HTR3A: variants seen among roughly 807,000 people sequenced by gnomAD.
HTR3A encodes the protein 5-hydroxytryptamine (serotonin) receptor 3A, ionotropic.
Under a neutral mutation model 54.8 loss-of-function variants are expected in HTR3A, and 45 were observed. The ratio of observed to expected loss-of-function variants is 0.82; its 90% CI spans 0.65 to 1.05. The LOEUF is 1.05. HTR3A is among the 50% of genes least tolerant of loss of function. The pLI, the probability that HTR3A is intolerant of heterozygous loss-of-function variation, is 0.00. For missense variants in HTR3A, 657 were observed against 614.0 expected, an observed-to-expected ratio of 1.07 and a Z score of -0.74; for synonymous variants, 297 against 256.0, an observed-to-expected ratio of 1.16 and a Z score of -1.53.
In HTR3A at chr11:113,989,908, T is replaced by G; in HGVS notation, c.*145T>G. On this transcript the variant is annotated 3_prime_UTR_variant, in exon 9 of 9. Transcript: ENST00000504030. This position sits in a 1 kb window ranked among gnomAD's most constrained non-coding sequence, Gnocchi z 4.4. ...CCCGTGCCCTGTTTCCAATGCCAATTCATCTCAGCAATCACAAGCCAAGGT... is the reference window on the plus strand; with the variant it reads ...CCCGTGCCCTGTTTCCAATGCCAATGCATCTCAGCAATCACAAGCCAAGGT... The G allele has an allele frequency of 2.1e-6, 2 of 938,200 alleles. No homozygotes were observed. Among genetic ancestry groups the G allele is most frequent in the Non-Finnish European group, 3.4e-6 (2 of 596,380 alleles). The allele number at this position is 938,200 out of a possible 1,614,324, so 58.1% of individuals were successfully genotyped here. A position where few individuals can be genotyped will look rare whatever the true frequency, so the allele number is the denominator to read the frequency against.
At chr11:113,976,623 C>A (rs1591599494) in intron 1 of HTR3A, among the ~76,000 whole-genome samples, 1 of 141,514 alleles carries the variant, frequency 7.1e-6, no homozygotes. Flanking sequence ...GTTCTCTCTG[C>A]TCTTCTCTGT....
At chr11:113,981,423 T>C (rs1950420914) in intron 4 of HTR3A, 111 bp downstream of exon 4, 2 of 739,258 alleles carry the variant, frequency 2.7e-6, no homozygotes, top group Admixed American at 2.0e-5. Context: ...CACCAGGAAT[T>C]GCAGACTGTA....
At chr11:113,976,571 TTGTGTGTGTG>T (rs34498899) in intron 1 of HTR3A, among the ~76,000 whole-genome samples, 32,197 of 134,974 alleles carry the variant, frequency 0.24, 3,925 homozygotes, top group Middle Eastern at 0.41. Context: ...AAAAAATAGT[TTGTGTGTGTG>T]TGTGTGTGTG....
chr11:113,979,303 C>A, intron 3 of HTR3A, 26 bp downstream of exon 3: 1 of 1,584,662 alleles, frequency 6.3e-7, no homozygotes, highest in Non-Finnish European at 8.7e-7. Context: ...CCTCCCTGCC[C>A]CCGTTACCCA....
At chr11:113,977,393 T>C (rs1274191310) in intron 1 of HTR3A, 1 of 639,742 alleles carries the variant, frequency 1.6e-6, no homozygotes, top group East Asian at 2.7e-5. Context: ...TTGCTTTTAG[T>C]ATCATACCCT....
intron 4 of HTR3A, among the ~76,000 whole-genome samples, chr11:113,981,538 C>T (rs556396599): frequency 1.3e-5 from 2 of 152,264 alleles, no homozygotes; most frequent in East Asian, 3.9e-4. Flanking sequence ...TGTTGAAATT[C>T]CATACTTCGT....
In HTR3A at chr11:113,990,213, G is replaced by T. The variant is rs1394445718; in HGVS notation, c.*450G>T. On this transcript the variant is annotated 3_prime_UTR_variant, in exon 9 of 9. Coordinates refer to ENST00000504030, the MANE Select transcript of HTR3A (RefSeq NM_000869.6). ...CTGTACGAGGCTTCTCTAACCCCTA[G>T]TGTCTTTTTTTTCTTCACCTCACTT... 3 of 455,206 alleles carry T rather than the reference G, an allele frequency of 6.6e-6. No individual in the cohort carries two copies. Among genetic ancestry groups the T allele is most frequent in the Non-Finnish European group, 1.3e-5 (3 of 227,766 alleles). 28.2% of individuals were successfully genotyped at this position (455,206 alleles called of 1,614,324 possible). A position where few individuals can be genotyped will look rare whatever the true frequency, so the allele number is the denominator to read the frequency against.
Position 113,989,786 on chromosome 11 carries a change from G to A in HTR3A, c.*23G>A, listed in dbSNP as rs1419154454. On this transcript the variant is annotated 3_prime_UTR_variant, in exon 9 of 9. Transcript: ENST00000504030. This position sits in a 1 kb window ranked among gnomAD's most constrained non-coding sequence, Gnocchi z 4.4. ...TGAGTGGGTACAGCCCAGTGGAGGA[G>A]GGGGTACAGTCCTGGTTAGGTGGGG... 1 of 1,603,456 alleles carries A rather than the reference G, an allele frequency of 6.2e-7. No homozygotes were observed. Among genetic ancestry groups the A allele is most frequent in the Non-Finnish European group, 8.5e-7 (1 of 1,179,378 alleles).
rs761518925 is a variant in HTR3A at position 113,989,644 on chromosome 11, C to T, written c.1318C>T (p.Arg440Ter). The T allele has an allele frequency of 1.2e-5, 20 of 1,614,060 alleles. No homozygotes were observed. The highest frequency in any genetic ancestry group is 5.3e-5 in the African/African-American group (4 of 74,920). ...EKRDEIREVA[R>*]DWLRVGSVLD... is the part of the protein sequence containing the mutation. ...GCGGGATGAGATCCGAGAGGTGGCC[C>T]GAGACTGGCTGCGCGTGGGCTCCGT... Residue 440 changes from arginine to a stop codon, truncating the protein, a stop_gained, in exon 9 of 9, where the codon CGA becomes TGA. Coordinates refer to ENST00000504030, the MANE Select transcript of HTR3A (RefSeq NM_000869.6). LOFTEE classifies it high-confidence loss of function. The surrounding 1 kb of genome is among the most constrained non-coding windows in gnomAD (Gnocchi z 4.4).
chr11:113,981,729 G>A (rs1001089654), intron 4 of HTR3A, among the ~76,000 whole-genome samples: 4 of 152,078 alleles, frequency 2.6e-5, no homozygotes, highest in South Asian at 2.1e-4. Flanking sequence ...AGGCCGAGGC[G>A]GGTAGATCAC....
chr11:113,980,349 A>G (rs1950406940), intron 3 of HTR3A, among the ~76,000 whole-genome samples: 1 of 152,222 alleles, frequency 6.6e-6, no homozygotes, highest in Admixed American at 6.5e-5. Context: ...GACCAGATAC[A>G]GGTACTGACA....
intron 2 of HTR3A, among the ~76,000 whole-genome samples, chr11:113,978,436 G>C (rs574404554): frequency 1.3e-5 from 2 of 152,170 alleles, no homozygotes; most frequent in African/African-American, 2.4e-5. Flanking sequence ...AGATGCAGTG[G>C]CTCTGTGTTG....
intron 5 of HTR3A, among the ~76,000 whole-genome samples, chr11:113,984,675 T>C (rs545065556): frequency 1.0e-3 from 154 of 152,142 alleles, no homozygotes; most frequent in African/African-American, 3.7e-3. Context: ...TCCCAGCACT[T>C]TGGGAGGCGT....
intron 4 of HTR3A, 89 bp downstream of exon 4, chr11:113,981,401 T>C (rs1950420775): frequency 1.2e-6 from 1 of 809,962 alleles, no homozygotes; most frequent in Non-Finnish European, 2.2e-6. Flanking sequence ...CACTGTTGCA[T>C]TTGAGATGTC....
At position 113,986,094 on chromosome 11, in the gene HTR3A, G is replaced by A. The variant is rs761910605; in HGVS notation, c.624G>A (p.Glu208=). ...GGAGTGTCTTCATGAACCAGGGAGA[G>A]TGGGAGTTGCTGGGGGTGCTGCCCT... The part of the protein sequence containing the change: ...SDRSVFMNQG[E]WELLGVLPYF... Residue 208 remains glutamate, a synonymous_variant, in exon 6 of 9, where the codon GAG becomes GAA. Coordinates refer to ENST00000504030, the MANE Select transcript of HTR3A (RefSeq NM_000869.6). The A allele has an allele frequency of 1.2e-6, 2 of 1,614,222 alleles. No homozygotes were observed. Among genetic ancestry groups the A allele is most frequent in the Admixed American group, 3.3e-5 (2 of 60,030 alleles).
At position 113,989,708 on chromosome 11, in the gene HTR3A, T is replaced by C. The variant is rs1591608379; in HGVS notation, c.1382T>C (p.Val461Ala). The C allele has an allele frequency of 6.2e-7, 1 of 1,613,810 alleles. No individual in the cohort carries two copies. Among genetic ancestry groups the C allele is most frequent in the East Asian group, 2.2e-5 (1 of 44,874 alleles). ...CTATTCCACATTTACCTGCTAGCGGTGCTGGCCTACAGCATCACCCTGGTT... is the reference window on the plus strand; with the variant it reads ...CTATTCCACATTTACCTGCTAGCGGCGCTGGCCTACAGCATCACCCTGGTT... ...KLLFHIYLLA[V>A]LAYSITLVML... Residue 461 changes from valine to alanine, a missense_variant, in exon 9 of 9, where the codon GTG becomes GCG. Coordinates refer to ENST00000504030, the MANE Select transcript of HTR3A (RefSeq NM_000869.6). The surrounding 1 kb of genome is among the most constrained non-coding windows in gnomAD (Gnocchi z 4.4).
At chr11:113,988,383 T>C (rs1308602747) in intron 8 of HTR3A, among the ~76,000 whole-genome samples, 2 of 152,338 alleles carry the variant, frequency 1.3e-5, no homozygotes, top group African/African-American at 4.8e-5. Flanking sequence ...ACCTGAGCCT[T>C]GGTGGTCTCA....
In HTR3A at chr11:113,986,699, C is replaced by A; in HGVS notation, c.887C>A (p.Pro296Gln). Residue 296 changes from proline (P) to glutamine (Q), a missense_variant, in exon 7 of 9, where the codon CCG (proline) becomes CAG (glutamine). Physicochemically the swap from Pro to Gln is moderately conservative, Grantham distance 76. Transcript: ENST00000504030. ...CTGATCATCGTTTCTGACACGCTGC[C>A]GGCCACTGCCATCGGCACTCCTCTC... ...VFLIIVSDTL[P>Q]ATAIGTPLIG... The A allele has an allele frequency of 6.2e-7, 1 of 1,614,198 alleles. No homozygotes were observed. Among genetic ancestry groups the A allele is most frequent in the Admixed American group, 1.7e-5 (1 of 60,020 alleles).
intron 8 of HTR3A, among the ~76,000 whole-genome samples, chr11:113,988,803 A>G (rs1323584384): frequency 6.6e-6 from 1 of 152,020 alleles, no homozygotes. Context: ...AACAAACAGA[A>G]TAGTAATCAC....
Sources: allele counts gnomAD v4.1 joint callset (sites outside exome capture counted in the v4.1 genomes callset), GRCh38; gene constraint gnomAD v4.1.1; non-coding constraint Gnocchi (gnomAD v3.1); transcripts MANE v1.5; gene names NCBI Gene and HGNC (gene_info 2026-07-23, HGNC 2026-07-21).